The following RNF34 variants were observed in gnomAD, a reference collection of about 807,000 sequenced individuals.
RNF34 encodes the protein ring finger protein 34.
In RNF34, 12 loss-of-function variants were observed where a neutral mutation model predicts 37.9. The observed-to-expected ratio is 0.32, with a 90% CI of 0.20 to 0.51. The LOEUF (loss-of-function observed/expected upper bound fraction) is 0.51. Ranked by LOEUF, RNF34 falls within the 20% of genes least tolerant of loss-of-function variation. The pLI is 0.97. For synonymous variants in RNF34, 155 were observed against 177.2 expected (o/e 0.87, Z 1.00); for missense variants, 362 against 472.7 (o/e 0.77, Z 2.17).
chr12:121,417,655 A>T lies in RNF34; in HGVS notation c.377A>T (p.Tyr126Phe). 6.2e-7 allele frequency: 1 copy of T among 1,614,216 alleles called. No homozygotes were observed. The highest frequency in any genetic ancestry group is 8.5e-7 in the Non-Finnish European group (1 of 1,180,048). The stretch of plus-strand genomic sequence containing the variant: ...CTGAAGGTGAAGGACCTGCGGCAGT[A>T]TCTCATTCTGAGAAATATACCCATA... ...MRLKVKDLRQYLILRNIPIDT... is the reference protein window; with the variant it reads ...MRLKVKDLRQFLILRNIPIDT... The change falls in exon 3 of 6, where the codon TAT becomes TTT. Residue 126 changes from tyrosine (Y) to phenylalanine (F), a missense_variant. By Grantham distance (22) the Tyr-to-Phe change is conservative (BLOSUM62 3). Coordinates refer to ENST00000361234, the MANE Select transcript of RNF34 (RefSeq NM_025126.4). The surrounding 1 kb of genome is among the most constrained non-coding windows in gnomAD (Gnocchi z 5.0).
chr12:121,416,073 A>G (rs1383878944), intron 1 of RNF34, 86 bp from the exon 2 acceptor site: 7 of 1,067,988 alleles, frequency 6.6e-6, no homozygotes, highest in Non-Finnish European at 1.0e-5. Flanking sequence ...GGGCAAACTT[A>G]CCTCTCCAGA....
chr12:121,400,218 G>A lies in RNF34; in HGVS notation c.6G>A (p.Lys2=). ...GAGCTGAGGCGGTCGCGGCCATGAA[G>A]GTGAGGGGCCGGTGGAGCCGGACAG... M[K]AGATSMWASC... Residue 2 remains lysine, a splice_region_variant and synonymous_variant, in exon 1 of 6, where the codon AAG becomes AAA. Coordinates refer to ENST00000361234, the MANE Select transcript of RNF34 (RefSeq NM_025126.4). 1 of 1,609,760 alleles carries A rather than the reference G, an allele frequency of 6.2e-7. No homozygotes were observed.
At chr12:121,401,043 G>A (rs1869939631) in intron 1 of RNF34, among the ~76,000 whole-genome samples, 1 of 152,126 alleles carries the variant, frequency 6.6e-6, no homozygotes, top group Non-Finnish European at 1.5e-5. Context: ...ATAACTTTCA[G>A]ACCTAGATGG....
chr12:121,401,198 T>C (rs1555279972), intron 1 of RNF34, among the ~76,000 whole-genome samples: 1 of 152,002 alleles, frequency 6.6e-6, no homozygotes, highest in Non-Finnish European at 1.5e-5. Flanking sequence ...ATTCAGCACA[T>C]GTTTTGTTGA....
Position 121,420,251 on chromosome 12 carries a change from GAAA to G in RNF34, c.644_646del (p.Glu215_Ile216delinsVal), listed in dbSNP as rs781945996. On this transcript the variant is annotated inframe_deletion, in exon 4 of 6. Coordinates refer to ENST00000361234, the MANE Select transcript of RNF34 (RefSeq NM_025126.4). ...CGTTGTATAAGTGTAGGTACAAAGT[GAAA>G]TCACTTCAGCAAACACAGAAGATGA... is the stretch of plus-strand genomic sequence containing the variant. 1.2e-6 allele frequency: 2 copies of G among 1,608,410 alleles called. No homozygotes were observed. The highest frequency in any genetic ancestry group is 1.3e-5 in the African/African-American group (1 of 74,702).
chr12:121,402,520 C>T (rs573708418), intron 1 of RNF34, among the ~76,000 whole-genome samples: 1 of 151,624 alleles, frequency 6.6e-6, no homozygotes, highest in African/African-American at 2.4e-5. Context: ...AACTTTTTAA[C>T]CTTGCAGTAA....
At chr12:121,413,746 T>G (rs1299600319) in intron 1 of RNF34, among the ~76,000 whole-genome samples, 6 of 151,956 alleles carry the variant, frequency 3.9e-5, no homozygotes, top group Non-Finnish European at 8.8e-5. Flanking sequence ...CCAGCTAATT[T>G]TTTGTATTTT....
chr12:121,400,778 C>T (rs541255451), intron 1 of RNF34, among the ~76,000 whole-genome samples: 51 of 152,292 alleles, frequency 3.3e-4, no homozygotes, highest in African/African-American at 1.0e-3. Context: ...CTGGATGTGC[C>T]TCCATCGCCA....
intron 1 of RNF34, among the ~76,000 whole-genome samples, chr12:121,400,826 C>A (rs1185952765): frequency 6.6e-6 from 1 of 152,138 alleles, no homozygotes; most frequent in Admixed American, 6.6e-5. Context: ...AGCTTGAGTT[C>A]TCCAAGGTGG....
chr12:121,407,413 A>G (rs1374393618), intron 1 of RNF34, among the ~76,000 whole-genome samples: 1 of 152,234 alleles, frequency 6.6e-6, no homozygotes, highest in African/African-American at 2.4e-5. Context: ...TATGCCTAGT[A>G]TACTGTCAGA....
Position 121,417,967 on chromosome 12 carries a change from T to G in RNF34, c.633+56T>G. 6.5e-7 allele frequency: 1 copy of G among 1,545,290 alleles called. No homozygotes were observed. The highest frequency in any genetic ancestry group is 8.8e-7 in the Non-Finnish European group (1 of 1,137,578). On this transcript the variant is annotated intron_variant, in intron 3 of 5. Transcript: ENST00000361234. This position sits in a 1 kb window ranked among gnomAD's most constrained non-coding sequence, Gnocchi z 5.0. ...CCCGGCACGCTTATTCTTGGCCGTA[T>G]ATGGTGGGGCCTTTAGTGCTTGATG...
rs535639770 is a variant in RNF34, at chr12:121,400,942, G to A, written c.6+724G>A. 2.0e-5 allele frequency among the ~76,000 whole-genome samples: 3 copies of A among 152,320 alleles called. No individual in the cohort carries two copies. In the South Asian group the frequency reaches 6.2e-4, roughly 32 times the overall value. On this transcript the variant is annotated intron_variant, in intron 1 of 5. Coordinates refer to ENST00000361234, the MANE Select transcript of RNF34 (RefSeq NM_025126.4). ...AGATGATTCTCAACCCGATCACTGAGAGTTCTGAAGAGCTTTGTGAACAGC... is the reference window on the plus strand; with the variant it reads ...AGATGATTCTCAACCCGATCACTGAAAGTTCTGAAGAGCTTTGTGAACAGC...
rs1555279797 is a variant in RNF34 at position 121,400,130 on chromosome 12, G to C, written c.-83G>C. On this transcript the variant is annotated 5_prime_UTR_variant, in exon 1 of 6. Transcript: ENST00000361234. ...CCCGGGGCGCGGTAATCACCGCCCA[G>C]AGGGAAGGAGGTCGGCAGTGTGAGG... 6.6e-7 allele frequency: 1 copy of C among 1,522,096 alleles called. No individual in the cohort carries two copies. Among genetic ancestry groups the C allele is most frequent in the Non-Finnish European group, 8.9e-7 (1 of 1,127,662 alleles). 94.3% of individuals were successfully genotyped at this position (1,522,096 alleles called of 1,614,324 possible).
chr12:121,423,608 C>T lies in RNF34; in HGVS notation c.*32C>T, dbSNP rs781817053. 2 of 1,583,062 alleles carry T rather than the reference C, an allele frequency of 1.3e-6. No individual in the cohort carries two copies. Among genetic ancestry groups the T allele is most frequent in the Non-Finnish European group, 1.7e-6 (2 of 1,156,674 alleles). ...CTCCCCTCACCAGGACAGTCACCCC[C>T]AAACTTGACCCCCAACATTTCAATG... is the stretch of plus-strand genomic sequence containing the variant. On this transcript the variant is annotated 3_prime_UTR_variant, in exon 6 of 6. Transcript: ENST00000361234. This position sits in a 1 kb window ranked among gnomAD's most constrained non-coding sequence, Gnocchi z 4.3.
intron 5 of RNF34, among the ~76,000 whole-genome samples, chr12:121,421,178 T>A (rs1030509898): frequency 6.6e-6 from 1 of 151,986 alleles, no homozygotes; most frequent in Non-Finnish European, 1.5e-5. Flanking sequence ...GCCCAGATGT[T>A]ACATAGTTCT....
At chr12:121,420,942 G>C (rs1331698039) in intron 5 of RNF34, among the ~76,000 whole-genome samples, 164 bp downstream of exon 5, 6 of 152,134 alleles carry the variant, frequency 3.9e-5, no homozygotes, top group African/African-American at 1.4e-4. Flanking sequence ...CTGGAAAGGA[G>C]TAACTTCATT....
At chr12:121,419,342 T>C (rs1187586723) in intron 3 of RNF34, among the ~76,000 whole-genome samples, 3 of 152,166 alleles carry the variant, frequency 2.0e-5, no homozygotes, top group Admixed American at 6.5e-5. Context: ...GTTCGCACAA[T>C]GACAAAATCG....
intron 1 of RNF34, chr12:121,415,332 AT>A (rs1555281994): frequency 2.7e-6 from 1 of 374,976 alleles, no homozygotes; most frequent in South Asian, 1.9e-5. Context: ...AGTAATTTAA[AT>A]TTATGGGCCT....
At chr12:121,402,736 TGAAA>T in intron 1 of RNF34, 6 of 1,572,178 alleles carry the variant, frequency 3.8e-6, no homozygotes, top group Admixed American at 3.7e-5. Context: ...TTTTTTTCTC[TGAAA>T]GGTGGGGGAG....
Sources: allele counts gnomAD v4.1 joint callset (sites outside exome capture counted in the v4.1 genomes callset), GRCh38; gene constraint gnomAD v4.1.1; non-coding constraint Gnocchi (gnomAD v3.1); transcripts MANE v1.5; gene names NCBI Gene and HGNC (gene_info 2026-07-23, HGNC 2026-07-21).